Variants in C1RL observed in about 807,000 individuals in gnomAD.
C1RL encodes the protein complement C1r subcomponent like, also known as complement C1r subcomponent-like protein.
A neutral mutation model predicts 27.9 loss-of-function variants in C1RL; 27 were observed. The ratio of observed to expected loss-of-function variants is 0.97; its 90% CI spans 0.71 to 1.33. The LOEUF (loss-of-function observed/expected upper bound fraction) is 1.33, where lower values mean the gene tolerates loss of function less well. C1RL is among the 40% of genes most tolerant of loss of function. The pLI is 0.00. For missense variants in C1RL, 563 were observed against 623.9 expected (o/e 0.90, Z 1.04); for synonymous variants, 248 against 252.1 (o/e 0.98, Z 0.15).
chr12:7,095,088 A>T lies in C1RL; in HGVS notation c.*1303T>A. ...TATTTCCATTGAACAGTTGTATTTT[A>T]TTTGTGTCTTTCACTGTAAATCACC... is the stretch of plus-strand genomic sequence containing the variant. On this transcript the variant is annotated 3_prime_UTR_variant, in exon 6 of 6. Transcript: ENST00000266542. 8.3e-7 allele frequency: 1 copy of T among 1,205,184 alleles called. No homozygotes were observed. The highest frequency in any genetic ancestry group is 1.0e-6 in the Non-Finnish European group (1 of 956,174). The allele number at this position is 1,205,184 out of a possible 1,614,324, so 74.7% of individuals were successfully genotyped here.
chr12:7,101,754 C>T (rs918899655), intron 3 of C1RL, 144 bp downstream of exon 3: 24 of 824,358 alleles, frequency 2.9e-5, no homozygotes, highest in Admixed American at 2.7e-4. Flanking sequence ...TGCTTGCCAG[C>T]AGGGGCAGGG....
chr12:7,099,795 C>T (rs776011074), intron 4 of C1RL, 35 bp from the exon 5 acceptor site: 48 of 1,607,558 alleles, frequency 3.0e-5, no homozygotes, highest in Non-Finnish European at 3.7e-5. Flanking sequence ...AAGAAATAGG[C>T]TCGGAGTTGA....
intron 5 of C1RL, 95 bp from the exon 6 acceptor site, chr12:7,097,258 C>G (rs1187018881): frequency 9.5e-7 from 1 of 1,057,700 alleles, no homozygotes; most frequent in Non-Finnish European, 1.3e-6. Flanking sequence ...GTAGGGGACG[C>G]GTGAAGAGAC....
At position 7,108,478 on chromosome 12, in the gene C1RL, A is replaced by G. The variant is rs763498414; in HGVS notation, c.73T>C (p.Trp25Arg). 6.3e-7 allele frequency: 1 copy of G among 1,584,248 alleles called. No individual in the cohort carries two copies. The highest frequency in any genetic ancestry group is 8.6e-7 in the Non-Finnish European group (1 of 1,161,676). ...AGGACTCCCCAGAGAAGCAGCCACCACCTGTGAGTTGGGGGGAGGGCAAGG... is the reference window on the plus strand; with the variant it reads ...AGGACTCCCCAGAGAAGCAGCCACCGCCTGTGAGTTGGGGGGAGGGCAAGG... ...PHSKGCPGAM[W>R]WLLLWGVLQA... The change falls in exon 2 of 6, where the codon TGG (tryptophan) becomes CGG (arginine). Residue 25 changes from tryptophan to arginine, a missense_variant and splice_region_variant. Trp to Arg is a moderately radical substitution (Grantham distance 101). Coordinates refer to ENST00000266542, the MANE Select transcript of C1RL (RefSeq NM_016546.4).
At position 7,104,364 on chromosome 12, in the gene C1RL, G is replaced by T. The variant is rs958593019; in HGVS notation, c.301-2277C>A. Among the ~76,000 whole-genome samples the T allele has an allele frequency of 8.5e-5, 13 of 152,242 alleles. No individual in the cohort carries two copies. The highest frequency in any genetic ancestry group is 3.1e-4 in the African/African-American group (13 of 41,468). ...TTGAGGCCCCGCGGCACACTTGATA[G>T]AGGGGGCGAAGGCCAGTGCAGCAGG... On this transcript the variant is annotated intron_variant, in intron 2 of 5. Coordinates refer to ENST00000266542, the MANE Select transcript of C1RL (RefSeq NM_016546.4). The surrounding 1 kb of genome is among the most constrained non-coding windows in gnomAD (Gnocchi z 5.4).
chr12:7,095,408 C>T lies in C1RL; in HGVS notation c.*983G>A, dbSNP rs1938398349. 1 of 1,000,920 alleles carries T rather than the reference C, an allele frequency of 1.0e-6. No individual in the cohort carries two copies. The highest frequency in any genetic ancestry group is 1.2e-6 in the Non-Finnish European group (1 of 838,418). The allele number at this position is 1,000,920 out of a possible 1,614,324, so 62.0% of individuals were successfully genotyped here. On this transcript the variant is annotated 3_prime_UTR_variant, in exon 6 of 6. Transcript: ENST00000266542. ...GGATTACAGGCGTGAGCCACTGCGC[C>T]CGGCCCATCACCTCCAGGTTTTACT... is the stretch of plus-strand genomic sequence containing the variant.
intron 5 of C1RL, 197 bp from the exon 6 acceptor site, chr12:7,097,360 G>A: frequency 1.9e-6 from 1 of 535,866 alleles, no homozygotes; most frequent in Non-Finnish European, 3.2e-6. Flanking sequence ...TCGGCTCACT[G>A]CAACCTCCGC....
intron 3 of C1RL, among the ~76,000 whole-genome samples, chr12:7,100,333 A>T (rs1467984818): frequency 6.6e-6 from 1 of 152,038 alleles, no homozygotes; most frequent in African/African-American, 2.4e-5. Flanking sequence ...TTTTTAACCT[A>T]CTCCATTTCT....
rs1373044515 is a variant in C1RL at position 7,094,815 on chromosome 12, G to A, written c.*1576C>T. 3.2e-5 allele frequency: 31 copies of A among 963,626 alleles called. No individual in the cohort carries two copies. The highest frequency in any genetic ancestry group is 3.7e-5 in the Non-Finnish European group (30 of 809,702). The allele number at this position is 963,626 out of a possible 1,614,324, so 59.7% of individuals were successfully genotyped here. On this transcript the variant is annotated 3_prime_UTR_variant, in exon 6 of 6. Transcript: ENST00000266542. ...GCTGGACTTCAACTCCTGGGCTCAA[G>A]CGATCCTCTTGCATCAGCCTCCTGA...
In C1RL at chr12:7,095,872, A is replaced by C. The variant is rs904221018; in HGVS notation, c.*519T>G. On this transcript the variant is annotated 3_prime_UTR_variant, in exon 6 of 6. Coordinates refer to ENST00000266542, the MANE Select transcript of C1RL (RefSeq NM_016546.4). ...GTGAAGCACCTGGCATATAGAGGAC[A>C]TAAAATAAAAAAGGAGCTGTTTCTA... is the stretch of plus-strand genomic sequence containing the variant. The C allele has an allele frequency of 3.2e-5, 31 of 956,480 alleles. No homozygotes were observed. The African/African-American group carries it at 4.8e-4, about 15-fold the overall frequency. The allele number at this position is 956,480 out of a possible 1,614,324, so 59.2% of individuals were successfully genotyped here.
At chr12:7,108,103 C>G in intron 2 of C1RL, 148 bp downstream of exon 2, 3 of 626,448 alleles carry the variant, frequency 4.8e-6, no homozygotes, top group Non-Finnish European at 5.2e-6. Flanking sequence ...GGGTCCACCA[C>G]TGCTCCCCGG....
chr12:7,095,391 G>T lies in C1RL; in HGVS notation c.*1000C>A. On this transcript the variant is annotated 3_prime_UTR_variant, in exon 6 of 6. Transcript: ENST00000266542. ...GGACTCCTAAGGTGTTGGGATTACAGGCGTGAGCCACTGCGCCCGGCCCAT... is the reference window on the plus strand; with the variant it reads ...GGACTCCTAAGGTGTTGGGATTACATGCGTGAGCCACTGCGCCCGGCCCAT... 9.9e-7 allele frequency: 1 copy of T among 1,011,596 alleles called. No individual in the cohort carries two copies. The highest frequency in any genetic ancestry group is 1.2e-6 in the Non-Finnish European group (1 of 844,108). The allele number at this position is 1,011,596 out of a possible 1,614,324, so 62.7% of individuals were successfully genotyped here.
chr12:7,096,545 C>T lies in C1RL; in HGVS notation c.1310G>A (p.Gly437Asp), dbSNP rs1259767855. The change falls in exon 6 of 6, where the codon GGC becomes GAC. Residue 437 changes from glycine to aspartate, a missense_variant. Transcript: ENST00000266542. ...ATTGTCCCATACCACATAGACGCTG[C>T]CACTGTCCCCCTGGCAGACACTGTG... ...QRHSVCQGDS[G>D]SVYVVWDNHA... is the part of the protein sequence containing the mutation. 6.2e-7 allele frequency: 1 copy of T among 1,614,186 alleles called. No homozygotes were observed. Among genetic ancestry groups the T allele is most frequent in the Admixed American group, 1.7e-5 (1 of 60,026 alleles).
In C1RL at chr12:7,106,935, T is replaced by TGGGTG. The variant is rs1469216659; in HGVS notation, c.300+1311_300+1315dup. ...ACTGGCAGAATGAGGAGGGGAAATG[T>TGGGTG]GGGTGGTGAAGACTGAAGACAGATA... On this transcript the variant is annotated intron_variant, in intron 2 of 5. Transcript: ENST00000266542. Among the ~76,000 whole-genome samples, 5 of 152,240 alleles carry TGGGTG rather than the reference T, an allele frequency of 3.3e-5. No individual in the cohort carries two copies. In the East Asian group the frequency reaches 9.6e-4, roughly 29 times the overall value.
At chr12:7,105,418 C>T (rs1242466951) in intron 2 of C1RL, among the ~76,000 whole-genome samples, 2 of 152,056 alleles carry the variant, frequency 1.3e-5, no homozygotes, top group South Asian at 2.1e-4. Context: ...TACAGGCGTA[C>T]ACCACCATGC....
intron 3 of C1RL, among the ~76,000 whole-genome samples, chr12:7,100,267 T>C (rs1000975041): frequency 1.3e-5 from 2 of 152,188 alleles, no homozygotes; most frequent in African/African-American, 4.8e-5. Flanking sequence ...GTATGTAAAT[T>C]AGCAAAACCG....
intron 5 of C1RL, 51 bp downstream of exon 5, chr12:7,099,620 TGTCCTGTAGGTCCCA>T: frequency 1.9e-6 from 3 of 1,540,234 alleles, no homozygotes; most frequent in Non-Finnish European, 2.6e-6. Context: ...TTAACCCCTG[TGTCCTGTAGGTCCCA>T]GTTGCAGCTG....
Position 7,109,186 on chromosome 12 carries a change from A to T in C1RL, c.-6T>A, listed in dbSNP as rs776404752. The stretch of plus-strand genomic sequence containing the variant: ...CACACTCTGGGTCCAGGCATCTGGA[A>T]CTGGACATCTGGGACCTGCGAGAGA... On this transcript the variant is annotated 5_prime_UTR_variant, in exon 1 of 6. Transcript: ENST00000266542. The T allele has an allele frequency of 5.0e-5, 80 of 1,596,724 alleles. 1 individual carries two copies. In the Admixed American group the frequency reaches 1.4e-3, roughly 27 times the overall value.
intron 5 of C1RL, among the ~76,000 whole-genome samples, chr12:7,098,134 G>A (rs1040778965): frequency 6.6e-6 from 1 of 152,150 alleles, no homozygotes; most frequent in Non-Finnish European, 1.5e-5. Flanking sequence ...AGCCGGCCGT[G>A]GTGGCGGGCG....
Sources: gnomAD v4.1 joint callset for allele counts (sites outside exome capture counted in the v4.1 genomes callset) on GRCh38, gnomAD v4.1.1 for gene constraint, Gnocchi (gnomAD v3.1) non-coding constraint, MANE v1.5 for transcripts, NCBI Gene and HGNC (gene_info 2026-07-23, HGNC 2026-07-21) for gene names.